The following HOOK3 variants were observed in gnomAD, a reference collection of about 807,000 sequenced individuals.
HOOK3 encodes the protein protein Hook homolog 3.
HOOK3 carries 24 observed loss-of-function variants against 116.3 expected under a neutral mutation model. The ratio of observed to expected loss-of-function variants is 0.21; its 90% CI spans 0.15 to 0.29. HOOK3 has a LOEUF of 0.29. Among genes scored for constraint, HOOK3 ranks in the 10% least tolerant of loss-of-function variants. The pLI, the probability that HOOK3 is intolerant of heterozygous loss-of-function variation, is 1.00. For synonymous variants in HOOK3, 275 were observed against 283.0 expected, an observed-to-expected ratio of 0.97 and a Z score of 0.28; for missense variants, 632 against 830.2, an observed-to-expected ratio of 0.76 and a Z score of 2.93.
In HOOK3 at chr8:42,897,419, C is replaced by A. The variant is rs112219235; in HGVS notation, c.57+231C>A. The A allele has an allele frequency of 6.3e-4, 233 of 369,322 alleles. 1 individual carries two copies. The Middle Eastern group carries it at 0.015, about 23-fold the overall frequency. 22.9% of individuals were successfully genotyped at this position (369,322 alleles called of 1,614,324 possible). On this transcript the variant is annotated intron_variant, in intron 1 of 21. Transcript: ENST00000307602. Reference sequence around the variant, plus strand: ...GGGGCTGGGCTGGGAACGCGGCGGGCGACTCTGGGATCCGTGCGGCTGCTC... The same window carrying A: ...GGGGCTGGGCTGGGAACGCGGCGGGAGACTCTGGGATCCGTGCGGCTGCTC...
intron 1 of HOOK3, among the ~76,000 whole-genome samples, chr8:42,900,389 A>G (rs976615378): frequency 6.6e-6 from 1 of 152,220 alleles, no homozygotes; most frequent in African/African-American, 2.4e-5. Flanking sequence ...CGAAGTCTAC[A>G]ATGCTACCAA....
At position 42,968,194 on chromosome 8, in the gene HOOK3, C is replaced by G. The variant is rs1217093877; in HGVS notation, c.1102C>G (p.Leu368Val). 6.2e-7 allele frequency: 1 copy of G among 1,613,382 alleles called. No homozygotes were observed. Among genetic ancestry groups the G allele is most frequent in the Admixed American group, 1.7e-5 (1 of 59,972 alleles). The part of the protein sequence containing the change: ...LRKANAARSQ[L>V]ETYKRQVVEL... ...AAAGGCCAACGCAGCGCGAAGTCAA[C>G]TTGAAACCTACAAGAGACAGGTAAA... The change falls in exon 11 of 22, where the codon CTT becomes GTT. Residue 368 changes from leucine to valine, a missense_variant. Physicochemically the swap from Leu to Val is conservative, Grantham distance 32 (BLOSUM62 1). Around this residue, in one of 3 missense-constraint regions of HOOK3, gnomAD observed 483 missense variants for 648.1 expected, o/e 0.75. Coordinates refer to ENST00000307602, the MANE Select transcript of HOOK3 (RefSeq NM_032410.4).
chr8:42,902,938 A>G (rs777100525), intron 1 of HOOK3, among the ~76,000 whole-genome samples: 1 of 152,180 alleles, frequency 6.6e-6, no homozygotes, highest in Non-Finnish European at 1.5e-5. Context: ...AACCTACAAG[A>G]AAGATTGGGT....
At position 42,901,776 on chromosome 8, in the gene HOOK3, A is replaced by G. The variant is rs57055559; in HGVS notation, c.58-4397A>G. On this transcript the variant is annotated intron_variant, in intron 1 of 21. Transcript: ENST00000307602. Reference sequence around the variant, plus strand: ...GCCCAGGCTGGAGTGCAGTGGCACAATCTCGGCTCACTGCAACCTCCACCT... The same window carrying G: ...GCCCAGGCTGGAGTGCAGTGGCACAGTCTCGGCTCACTGCAACCTCCACCT... Among the ~76,000 whole-genome samples the G allele has an allele frequency of 5.9e-3, 899 of 151,442 alleles. 7 individuals are homozygous for G. Among genetic ancestry groups the G allele is most frequent in the African/African-American group, 0.021 (857 of 41,300 alleles).
intron 1 of HOOK3, among the ~76,000 whole-genome samples, chr8:42,901,314 A>G (rs536762427): frequency 5.9e-5 from 9 of 152,320 alleles, no homozygotes; most frequent in South Asian, 4.1e-4. Flanking sequence ...GTTAAGTGCA[A>G]TTGTCTTTCA....
At chr8:42,977,286 T>C (rs1342174470) in intron 13 of HOOK3, among the ~76,000 whole-genome samples, 3 of 152,158 alleles carry the variant, frequency 2.0e-5, no homozygotes, top group Non-Finnish European at 4.4e-5. Flanking sequence ...CCTCAGCTTC[T>C]AAAATGGGAA....
intron 2 of HOOK3, among the ~76,000 whole-genome samples, chr8:42,918,635 G>A (rs1463931962): frequency 1.3e-5 from 2 of 152,070 alleles, no homozygotes; most frequent in African/African-American, 4.8e-5. Context: ...GACTCTTAAC[G>A]AGTATGCTGC....
At position 42,974,222 on chromosome 8, in the gene HOOK3, G is replaced by C. The variant is rs776435573; in HGVS notation, c.1321+28G>C. 5 of 1,515,708 alleles carry C rather than the reference G, an allele frequency of 3.3e-6. No individual in the cohort carries two copies. The African/African-American group carries it at 5.5e-5, about 17-fold the overall frequency. 93.9% of individuals were successfully genotyped at this position (1,515,708 alleles called of 1,614,324 possible). A position where few individuals can be genotyped will look rare whatever the true frequency, so the allele number is the denominator to read the frequency against. On this transcript the variant is annotated intron_variant, in intron 13 of 21. Coordinates refer to ENST00000307602, the MANE Select transcript of HOOK3 (RefSeq NM_032410.4). ...AAAAACGTTTTGCGAGTACAAACCA[G>C]ATGATTTCTTTTTTTTTTGAGACGG...
At chr8:42,953,706 G>T (rs1424366581) in intron 6 of HOOK3, among the ~76,000 whole-genome samples, 1 of 151,824 alleles carries the variant, frequency 6.6e-6, no homozygotes, top group Non-Finnish European at 1.5e-5. Context: ...CTGTACACTT[G>T]CAAGTAATGC....
chr8:42,932,465 G>A (rs1188047044), intron 4 of HOOK3, among the ~76,000 whole-genome samples: 1 of 152,188 alleles, frequency 6.6e-6, no homozygotes, highest in Non-Finnish European at 1.5e-5. Flanking sequence ...CTCAGTGGAA[G>A]CCACCCAGAG....
chr8:43,013,521 A>G, intron 21 of HOOK3, 121 bp downstream of exon 21: 1 of 729,196 alleles, frequency 1.4e-6, no homozygotes, highest in Non-Finnish European at 2.1e-6. Flanking sequence ...CTATCCTAAC[A>G]TACACTAACA....
chr8:43,001,548 C>CTT (rs538098287), intron 16 of HOOK3, among the ~76,000 whole-genome samples: 1 of 142,088 alleles, frequency 7.0e-6, no homozygotes, highest in African/African-American at 2.6e-5. Context: ...TTTCAGGAGA[C>CTT]TTTTTTTTTT....
intron 15 of HOOK3, among the ~76,000 whole-genome samples, chr8:42,995,648 T>C (rs1176964885): frequency 6.6e-6 from 1 of 152,226 alleles, no homozygotes; most frequent in Non-Finnish European, 1.5e-5. Flanking sequence ...CAACTCAGGC[T>C]TCTCTCTGCT....
intron 8 of HOOK3, among the ~76,000 whole-genome samples, chr8:42,962,786 A>ACTTCTT (rs202234206): frequency 8.2e-5 from 11 of 134,358 alleles, no homozygotes; most frequent in African/African-American, 2.4e-4. Flanking sequence ...TTTTGGTCTG[A>ACTTCTT]CTTCTTCTTC....
chr8:43,013,525 A>G (rs1586635127), intron 21 of HOOK3, 125 bp downstream of exon 21: 2 of 706,128 alleles, frequency 2.8e-6, no homozygotes, highest in Non-Finnish European at 4.3e-6. Flanking sequence ...CCTAACATAC[A>G]CTAACAGAAT....
intron 9 of HOOK3, among the ~76,000 whole-genome samples, 189 bp from the exon 10 acceptor site, chr8:42,966,284 C>G (rs1444947149): frequency 6.6e-6 from 1 of 152,046 alleles, no homozygotes; most frequent in African/African-American, 2.4e-5. Context: ...GTCACCGTTC[C>G]CAAGACTTGG....
chr8:42,965,621 C>G (rs1010090496), intron 9 of HOOK3, among the ~76,000 whole-genome samples: 1 of 152,154 alleles, frequency 6.6e-6, no homozygotes, highest in Admixed American at 6.5e-5. Flanking sequence ...TGTTTCTTCC[C>G]TAGCCATAGA....
intron 4 of HOOK3, among the ~76,000 whole-genome samples, chr8:42,935,583 G>T (rs907419411): frequency 6.6e-6 from 1 of 152,094 alleles, no homozygotes; most frequent in Non-Finnish European, 1.5e-5. Context: ...TGTAAGGAAG[G>T]GGTCCAGTTT....
intron 5 of HOOK3, among the ~76,000 whole-genome samples, chr8:42,947,693 C>T (rs779958690): frequency 6.6e-6 from 1 of 152,178 alleles, no homozygotes; most frequent in South Asian, 2.1e-4. Context: ...TAAATATTAG[C>T]TGTCACTGCA....
Sources: gnomAD v4.1 joint callset for allele counts (sites outside exome capture counted in the v4.1 genomes callset) on GRCh38, gnomAD v4.1.1 for gene constraint, gnomAD v4.1.1 regional missense constraint, MANE v1.5 for transcripts, NCBI Gene and HGNC (gene_info 2026-07-23, HGNC 2026-07-21) for gene names.